ASCC3: variants seen among roughly 807,000 people sequenced by gnomAD.
The protein encoded by ASCC3 is ASC-1 complex subunit P200.
Under a neutral mutation model 256.3 loss-of-function variants are expected in ASCC3, and 158 were observed. The ratio of observed to expected loss-of-function variants is 0.62; its 90% CI spans 0.54 to 0.70. The LOEUF (loss-of-function observed/expected upper bound fraction) is 0.70, where lower values mean the gene tolerates loss of function less well. Among genes scored for constraint, ASCC3 ranks in the 30% least tolerant of loss-of-function variants. ASCC3 has a pLI of 0.00. For synonymous variants in ASCC3, 948 were observed against 883.4 expected (o/e 1.07, Z -1.30); for missense variants, 2,259 against 2,626.0 (o/e 0.86, Z 3.05).
intron 11 of ASCC3, among the ~76,000 whole-genome samples, chr6:100,725,064 TAAG>T (rs1779561169): frequency 6.6e-6 from 1 of 151,928 alleles, no homozygotes; most frequent in South Asian, 2.1e-4. Flanking sequence ...TTAAAGTTAT[TAAG>T]AAGATAAGTG....
intron 8 of ASCC3, among the ~76,000 whole-genome samples, chr6:100,794,564 C>G (rs1047231438): frequency 1.3e-5 from 2 of 152,070 alleles, no homozygotes; most frequent in African/African-American, 4.8e-5. Flanking sequence ...GGAAATGGAA[C>G]AGATACACTA....
intron 36 of ASCC3, among the ~76,000 whole-genome samples, chr6:100,562,670 T>C (rs1204735030): frequency 2.6e-5 from 4 of 152,138 alleles, no homozygotes; most frequent in Non-Finnish European, 5.9e-5. Flanking sequence ...TTTCTAGTTT[T>C]TTTTTCTATT....
intron 3 of ASCC3, chr6:100,858,338 G>T (rs1030645136): frequency 1.9e-5 from 6 of 313,340 alleles, no homozygotes; most frequent in Non-Finnish European, 1.9e-5. Context: ...TATTATGTTA[G>T]CAAGGATTTT....
intron 36 of ASCC3, among the ~76,000 whole-genome samples, chr6:100,584,232 G>C (rs1391580999): frequency 6.6e-6 from 1 of 151,338 alleles, no homozygotes; most frequent in African/African-American, 2.4e-5. Flanking sequence ...AAGTCTCTTT[G>C]TAGGTCACTC....
chr6:100,590,160 T>C (rs1239210372), intron 34 of ASCC3, 101 bp from the exon 35 acceptor site: 5 of 826,056 alleles, frequency 6.1e-6, no homozygotes, highest in South Asian at 1.5e-5. Context: ...TCCCCTTTTA[T>C]TATAAAACCT....
chr6:100,615,966 T>C (rs1773646646), intron 30 of ASCC3, among the ~76,000 whole-genome samples: 2 of 152,210 alleles, frequency 1.3e-5, no homozygotes, highest in South Asian at 4.1e-4. Context: ...ACTAAATTTA[T>C]TTTAGTTCTA....
intron 4 of ASCC3, among the ~76,000 whole-genome samples, chr6:100,812,800 C>T (rs544110185): frequency 6.6e-6 from 1 of 151,984 alleles, no homozygotes; most frequent in Non-Finnish European, 1.5e-5. Flanking sequence ...TGTGGTGGTG[C>T]ATGCCTGTAG....
chr6:100,756,245 C>G (rs985320022), intron 10 of ASCC3, among the ~76,000 whole-genome samples: 1 of 151,554 alleles, frequency 6.6e-6, no homozygotes, highest in African/African-American at 2.4e-5. Flanking sequence ...GTTAAAAATA[C>G]AGGTAGAATA....
chr6:100,777,423 G>A (rs1231168951), intron 8 of ASCC3, among the ~76,000 whole-genome samples: 1 of 151,880 alleles, frequency 6.6e-6, no homozygotes, highest in Admixed American at 6.6e-5. Context: ...ACTCAATAAG[G>A]TAGACAAAGT....
rs545136067 is a variant in ASCC3 at position 100,530,602 on chromosome 6, T to C, written c.5775+9561A>G. On this transcript the variant is annotated intron_variant, in intron 37 of 41. Coordinates refer to ENST00000369162, the MANE Select transcript of ASCC3 (RefSeq NM_006828.4). Reference sequence around the variant, plus strand: ...AGTGTGTTGATTATTGCATGGATGTTCAGAGCAGCAATACAGTGTGAGTTC... The same window carrying C: ...AGTGTGTTGATTATTGCATGGATGTCCAGAGCAGCAATACAGTGTGAGTTC... 3 of 795,008 alleles carry C rather than the reference T, an allele frequency of 3.8e-6. No homozygotes were observed. The Admixed American group carries it at 5.1e-5, about 13-fold the overall frequency. The allele number at this position is 795,008 out of a possible 1,614,324, so 49.2% of individuals were successfully genotyped here. A position where few individuals can be genotyped will look rare whatever the true frequency, so the allele number is the denominator to read the frequency against.
rs1199141540 is a variant in ASCC3, at chr6:100,802,331, G to A, written c.923-1827C>T. 2.6e-5 allele frequency among the ~76,000 whole-genome samples: 4 copies of A among 152,144 alleles called. No homozygotes were observed. The East Asian group carries it at 7.7e-4, about 29-fold the overall frequency. ...TTTTAGAACGGTCGTTTAAAAGTGT[G>A]TAGAGCCTCCCCCTTGCTCTCATGC... On this transcript the variant is annotated intron_variant, in intron 5 of 41. Coordinates refer to ENST00000369162, the MANE Select transcript of ASCC3 (RefSeq NM_006828.4).
chr6:100,798,259 T>G (rs957380386), intron 8 of ASCC3, among the ~76,000 whole-genome samples: 1 of 152,072 alleles, frequency 6.6e-6, no homozygotes, highest in Admixed American at 6.6e-5. Flanking sequence ...GATATAAAGA[T>G]AGTAATATTC....
At chr6:100,528,573 G>A (rs1774712068) in intron 37 of ASCC3, among the ~76,000 whole-genome samples, 1 of 152,028 alleles carries the variant, frequency 6.6e-6, no homozygotes, top group East Asian at 1.9e-4. Context: ...AAAAAGACTT[G>A]TCTGCTCATC....
At chr6:100,733,110 C>T (rs780358658) in intron 10 of ASCC3, among the ~76,000 whole-genome samples, 2 of 152,100 alleles carry the variant, frequency 1.3e-5, no homozygotes, top group Non-Finnish European at 2.9e-5. Flanking sequence ...ATATATAAAA[C>T]CTTGCTCAAA....
At chr6:100,631,660 ATGT>A (rs1004876146) in intron 25 of ASCC3, among the ~76,000 whole-genome samples, 5 of 152,058 alleles carry the variant, frequency 3.3e-5, no homozygotes, top group African/African-American at 7.2e-5. Flanking sequence ...AAATGTACTG[ATGT>A]TGAAGTTTTG....
chr6:100,713,697 TAA>T (rs1258350672), intron 13 of ASCC3, among the ~76,000 whole-genome samples: 1 of 152,144 alleles, frequency 6.6e-6, no homozygotes, highest in Admixed American at 6.5e-5. Context: ...ACTGTGAACC[TAA>T]AACTTCTCTT....
At chr6:100,825,975 C>T (rs1771287060) in intron 4 of ASCC3, among the ~76,000 whole-genome samples, 1 of 151,828 alleles carries the variant, frequency 6.6e-6, no homozygotes, top group Non-Finnish European at 1.5e-5. Context: ...AAGATTATTA[C>T]CAACCTTGGA....
At chr6:100,704,795 T>A (rs965307831) in intron 13 of ASCC3, among the ~76,000 whole-genome samples, 1 of 152,016 alleles carries the variant, frequency 6.6e-6, no homozygotes, top group African/African-American at 2.4e-5. Flanking sequence ...GAAGGTAGAT[T>A]TTCAGTAAGA....
intron 10 of ASCC3, among the ~76,000 whole-genome samples, chr6:100,756,451 TA>T (rs1366160115): frequency 6.6e-6 from 1 of 152,142 alleles, no homozygotes; most frequent in Non-Finnish European, 1.5e-5. Flanking sequence ...ACATACGTCT[TA>T]ATCACTATTC....
Sources: allele counts gnomAD v4.1 joint callset (sites outside exome capture counted in the v4.1 genomes callset), GRCh38; gene constraint gnomAD v4.1.1; transcripts MANE v1.5; gene names NCBI Gene and HGNC (gene_info 2026-07-23, HGNC 2026-07-21).